Variants in KCTD8 observed in about 807,000 individuals in gnomAD.
KCTD8 encodes the protein potassium channel tetramerization domain containing 8, also known as BTB/POZ domain-containing protein KCTD8.
In KCTD8, 27 loss-of-function variants were observed where a neutral mutation model predicts 31.5. The observed-to-expected ratio is 0.86, with a 90% confidence interval of 0.63 to 1.18. KCTD8 has a LOEUF of 1.18. Ranked by LOEUF, KCTD8 falls within the 50% of genes most tolerant of loss-of-function variation. KCTD8 has a pLI of 0.00. For synonymous variants in KCTD8, 290 were observed against 280.0 expected (o/e 1.04, Z -0.36); for missense variants, 658 against 647.7 (o/e 1.02, Z -0.17).
At chr4:44,325,575 C>T (rs915282454) in intron 1 of KCTD8, among the ~76,000 whole-genome samples, 35 of 151,750 alleles carry the variant, frequency 2.3e-4, no homozygotes, top group Middle Eastern at 3.2e-3. Flanking sequence ...TTTCAAATTG[C>T]GTGCCTGTAT....
At chr4:44,235,527 A>T (rs934777761) in intron 1 of KCTD8, among the ~76,000 whole-genome samples, 46 of 4,078 alleles carry the variant, frequency 0.011, no homozygotes, top group Admixed American at 0.022. Flanking sequence ...ACACTGGATT[A>T]TATATATATA....
At chr4:44,304,880 A>G (rs1404567810) in intron 1 of KCTD8, among the ~76,000 whole-genome samples, 1 of 151,892 alleles carries the variant, frequency 6.6e-6, no homozygotes, top group Non-Finnish European at 1.5e-5. Context: ...CCTAGCAGGC[A>G]CCTAGAAGGC....
intron 1 of KCTD8, among the ~76,000 whole-genome samples, chr4:44,240,637 CA>C (rs1654127431): frequency 1.3e-5 from 2 of 152,124 alleles, no homozygotes; most frequent in South Asian, 4.1e-4. Context: ...CCATGCCCCG[CA>C]TGTTTTTATT....
At chr4:44,327,294 C>T (rs369634674) in intron 1 of KCTD8, among the ~76,000 whole-genome samples, 3 of 151,708 alleles carry the variant, frequency 2.0e-5, no homozygotes, top group Non-Finnish European at 4.4e-5. Context: ...TCGATCTGTC[C>T]GTTTTCTACA....
At chr4:44,218,981 T>C (rs1022053258) in intron 1 of KCTD8, among the ~76,000 whole-genome samples, 8 of 152,194 alleles carry the variant, frequency 5.3e-5, no homozygotes, top group African/African-American at 1.9e-4. Flanking sequence ...ATGTTTCACA[T>C]TGCAAAGCAT....
chr4:44,285,357 C>A (rs944236319), intron 1 of KCTD8, among the ~76,000 whole-genome samples: 11 of 151,950 alleles, frequency 7.2e-5, no homozygotes, highest in Non-Finnish European at 1.3e-4. Context: ...TCATTCTCAG[C>A]AAACTATCAC....
At chr4:44,320,560 A>T (rs1458575245) in intron 1 of KCTD8, among the ~76,000 whole-genome samples, 1 of 152,198 alleles carries the variant, frequency 6.6e-6, no homozygotes, top group Non-Finnish European at 1.5e-5. Context: ...TTTTGGTGGT[A>T]TAGAGAGAAT....
intron 1 of KCTD8, among the ~76,000 whole-genome samples, chr4:44,185,748 T>C (rs1018411356): frequency 3.0e-5 from 4 of 133,234 alleles, no homozygotes; most frequent in African/African-American, 1.1e-4. Context: ...GATTTCCTGC[T>C]TTTTTTTTTT....
chr4:44,361,293 A>T (rs966118204), intron 1 of KCTD8, among the ~76,000 whole-genome samples: 4 of 152,060 alleles, frequency 2.6e-5, no homozygotes, highest in Non-Finnish European at 5.9e-5. Flanking sequence ...TATACTAGAC[A>T]CGTTAAGAAG....
rs1276087349 is a variant in KCTD8 at position 44,357,956 on chromosome 4, T to C, written c.961+89607A>G. Among the ~76,000 whole-genome samples the C allele has an allele frequency of 3.3e-5, 5 of 152,136 alleles. No homozygotes were observed. The East Asian group carries it at 9.7e-4, about 29-fold the overall frequency. ...GATACAAGTGCAGAAAGTTCAGATT[T>C]GTTACATAGGTATACACATGCCATG... is the stretch of plus-strand genomic sequence containing the variant. On this transcript the variant is annotated intron_variant, in intron 1 of 1. Transcript: ENST00000360029.
Position 44,433,509 on chromosome 4 carries a change from A to G in KCTD8, c.961+14054T>C, listed in dbSNP as rs566831510. 4.0e-5 allele frequency among the ~76,000 whole-genome samples: 6 copies of G among 151,686 alleles called. No individual in the cohort carries two copies. The South Asian group carries it at 1.2e-3, about 32-fold the overall frequency. On this transcript the variant is annotated intron_variant, in intron 1 of 1. Transcript: ENST00000360029. ...GAGCTCTTCACAGATGGGAGTATATAAGTCTGCATTTTACACTCCCAAAGA... is the reference window on the plus strand; with the variant it reads ...GAGCTCTTCACAGATGGGAGTATATGAGTCTGCATTTTACACTCCCAAAGA...
chr4:44,295,703 A>G (rs937701232), intron 1 of KCTD8, among the ~76,000 whole-genome samples: 1 of 152,170 alleles, frequency 6.6e-6, no homozygotes, highest in African/African-American at 2.4e-5. Flanking sequence ...TTAGAAGTCC[A>G]AGATCAAGGT....
At chr4:44,280,829 T>C (rs574380691) in intron 1 of KCTD8, among the ~76,000 whole-genome samples, 82 of 152,214 alleles carry the variant, frequency 5.4e-4, no homozygotes, top group Non-Finnish European at 9.1e-4. Flanking sequence ...CTATGCTTTA[T>C]GTGTATCACT....
At chr4:44,191,936 C>T (rs1713776068) in intron 1 of KCTD8, among the ~76,000 whole-genome samples, 1 of 152,110 alleles carries the variant, frequency 6.6e-6, no homozygotes, top group Non-Finnish European at 1.5e-5. Flanking sequence ...TGTTCATACA[C>T]CCCCTCCCTT....
intron 1 of KCTD8, among the ~76,000 whole-genome samples, chr4:44,324,719 A>G (rs577752083): frequency 1.3e-5 from 2 of 152,130 alleles, no homozygotes; most frequent in South Asian, 4.1e-4. Flanking sequence ...TCATGTTCTA[A>G]TATCAATATT....
intron 1 of KCTD8, among the ~76,000 whole-genome samples, chr4:44,206,381 A>T (rs1714305837): frequency 6.6e-6 from 1 of 152,176 alleles, no homozygotes; most frequent in African/African-American, 2.4e-5. Context: ...ATATCTATCC[A>T]CTTGACTCCA....
intron 1 of KCTD8, among the ~76,000 whole-genome samples, chr4:44,359,293 C>G (rs950408040): frequency 1.3e-5 from 2 of 151,462 alleles, no homozygotes; most frequent in Admixed American, 6.6e-5. Flanking sequence ...TTTTTTTTAA[C>G]ACTGTTGCTT....
At chr4:44,332,457 A>T (rs189608154) in intron 1 of KCTD8, among the ~76,000 whole-genome samples, 1 of 152,114 alleles carries the variant, frequency 6.6e-6, no homozygotes, top group African/African-American at 2.4e-5. Flanking sequence ...TTCAGTCTTT[A>T]CACAAAAAGG....
At chr4:44,340,561 G>A (rs892047542) in intron 1 of KCTD8, among the ~76,000 whole-genome samples, 6 of 151,054 alleles carry the variant, frequency 4.0e-5, no homozygotes, top group African/African-American at 4.9e-5. Context: ...ACCCCGCCTC[G>A]GCCTCCCAAA....
Sources: gnomAD v4.1 joint callset for allele counts (sites outside exome capture counted in the v4.1 genomes callset) on GRCh38, gnomAD v4.1.1 for gene constraint, MANE v1.5 for transcripts, NCBI Gene and HGNC (gene_info 2026-07-23, HGNC 2026-07-21) for gene names.